The following ATXN8OS variants were observed in gnomAD, a reference collection of about 807,000 sequenced individuals.
The protein encoded by ATXN8OS is ATXN8 opposite strand (non-protein coding).
At chr13:70,164,055 C>CTTATTCTTA (rs373093033) in intron 4 of ATXN8OS, among the ~76,000 whole-genome samples, 87 of 29,094 alleles carry the variant, frequency 3.0e-3, no homozygotes, top group Middle Eastern at 0.045. Flanking sequence ...AGTTTTTATT[C>CTTATTCTTA]TTATTATTAT....
chr13:70,131,366 A>G (rs1593763947), intron 3 of ATXN8OS: 1 of 398,524 alleles, frequency 2.5e-6, no homozygotes, highest in East Asian at 3.6e-5. Flanking sequence ...TGTAAGCAGA[A>G]ATGCATTTTT....
intron 3 of ATXN8OS, among the ~76,000 whole-genome samples, chr13:70,138,670 C>T (rs1253396206): frequency 6.6e-6 from 1 of 151,808 alleles, no homozygotes; most frequent in Non-Finnish European, 1.5e-5. Flanking sequence ...GTATGCATTC[C>T]AAAATGAAAG....
chr13:70,149,623 A>G (rs972007887), intron 4 of ATXN8OS, among the ~76,000 whole-genome samples: 11 of 152,156 alleles, frequency 7.2e-5, no homozygotes, highest in African/African-American at 2.7e-4. Context: ...GAAGACATTT[A>G]CTTAAATATT....
Position 70,164,058 on chromosome 13 carries a change from A to ATTCTTATTC in ATXN8OS, n.574-5693_574-5692insCTTATTCTT, listed in dbSNP as rs869110142. 9.4e-3 allele frequency among the ~76,000 whole-genome samples: 118 copies of ATTCTTATTC among 12,490 alleles called. 1 individual carries two copies. The highest frequency in any genetic ancestry group is 0.016 in the African/African-American group (107 of 6,594). The allele number at this position is 12,490 out of a possible 152,430, so 8.2% of individuals were successfully genotyped here. A position where few individuals can be genotyped will look rare whatever the true frequency, so the allele number is the denominator to read the frequency against. On this transcript the variant is annotated intron_variant and non_coding_transcript_variant, in intron 4 of 4. Transcript: ENST00000678624. ...TTGTAAGCTGGAAGTTTTTATTCTT[A>ATTCTTATTC]TTATTATTATTATTATTATTATTAT... is the stretch of plus-strand genomic sequence containing the variant.
chr13:70,116,783 A>G (rs1888285720), intron 2 of ATXN8OS, among the ~76,000 whole-genome samples: 2 of 152,280 alleles, frequency 1.3e-5, no homozygotes, highest in East Asian at 1.9e-4. Context: ...AGAATAAAGA[A>G]TCTAAGAGAT....
At chr13:70,156,848 C>T (rs1042211504) in intron 4 of ATXN8OS, among the ~76,000 whole-genome samples, 1 of 152,090 alleles carries the variant, frequency 6.6e-6, no homozygotes, top group Non-Finnish European at 1.5e-5. Flanking sequence ...CTTTTACTTT[C>T]AGCTACCTCC....
Position 70,108,239 on chromosome 13 carries a change from G to C in ATXN8OS, n.240+220G>C, listed in dbSNP as rs115475614. The C allele has an allele frequency of 1.6e-3, 618 of 389,474 alleles. 8 individuals carry two copies. The highest frequency in any genetic ancestry group is 1.0e-2 in the African/African-American group (485 of 48,552). 24.1% of individuals were successfully genotyped at this position (389,474 alleles called of 1,614,324 possible). A position where few individuals can be genotyped will look rare whatever the true frequency, so the allele number is the denominator to read the frequency against. On this transcript the variant is annotated intron_variant and non_coding_transcript_variant, in intron 1 of 4. Transcript: ENST00000678624. The stretch of plus-strand genomic sequence containing the variant: ...TCTCGAGGAAGCGTACCCCTCGCCA[G>C]ATCTCTTGGTGCACCTGCGCCCCTG...
intron 2 of ATXN8OS, among the ~76,000 whole-genome samples, chr13:70,126,917 T>C (rs1466665169): frequency 6.6e-6 from 1 of 151,768 alleles, no homozygotes. Flanking sequence ...GTAACCTCTG[T>C]ATCTGTATAT....
chr13:70,141,250 C>G (rs1381500027), intron 3 of ATXN8OS, among the ~76,000 whole-genome samples: 8 of 152,122 alleles, frequency 5.3e-5, no homozygotes. Flanking sequence ...TATTTTACTG[C>G]TATCTCCTGG....
chr13:70,128,108 A>T (rs1888470901), intron 2 of ATXN8OS, among the ~76,000 whole-genome samples: 1 of 152,114 alleles, frequency 6.6e-6, no homozygotes, highest in Non-Finnish European at 1.5e-5. Flanking sequence ...GAAGGTTTAC[A>T]TTAATTGAAA....
intron 4 of ATXN8OS, among the ~76,000 whole-genome samples, chr13:70,158,396 C>G (rs886364894): frequency 6.6e-6 from 1 of 152,028 alleles, no homozygotes; most frequent in Non-Finnish European, 1.5e-5. Context: ...CCAGCCTGGG[C>G]GACAGGCAAG....
intron 4 of ATXN8OS, among the ~76,000 whole-genome samples, chr13:70,150,824 T>C (rs559753238): frequency 6.6e-6 from 1 of 152,250 alleles, no homozygotes; most frequent in South Asian, 2.1e-4. Context: ...CATGCTTCAC[T>C]ACCACAAAAC....
At chr13:70,137,132 T>C (rs1421160982) in intron 3 of ATXN8OS, among the ~76,000 whole-genome samples, 1 of 152,198 alleles carries the variant, frequency 6.6e-6, no homozygotes, top group Non-Finnish European at 1.5e-5. Flanking sequence ...TCTTACATAA[T>C]AGCCTATAAA....
In ATXN8OS at chr13:70,120,658, G is replaced by A. The variant is rs114120769; in HGVS notation, n.398+5360G>A. Among the ~76,000 whole-genome samples, 694 of 152,210 alleles carry A rather than the reference G, an allele frequency of 4.6e-3. 9 individuals carry two copies. The highest frequency in any genetic ancestry group is 0.015 in the African/African-American group (635 of 41,520). ...CAATGTTTTGGTAAGTAACCATTTG[G>A]TGAGGTGGAAAATGACAATGCACTG... is the stretch of plus-strand genomic sequence containing the variant. On this transcript the variant is annotated intron_variant and non_coding_transcript_variant, in intron 2 of 4. Coordinates refer to ENST00000678624, the Ensembl canonical transcript of ATXN8OS.
At chr13:70,162,387 G>A (rs1889020098) in intron 4 of ATXN8OS, among the ~76,000 whole-genome samples, 1 of 152,144 alleles carries the variant, frequency 6.6e-6, no homozygotes, top group Non-Finnish European at 1.5e-5. Context: ...GAGGGATACA[G>A]GCAGCCTGAA....
At chr13:70,123,702 GA>G (rs1888391675) in intron 2 of ATXN8OS, among the ~76,000 whole-genome samples, 2 of 152,016 alleles carry the variant, frequency 1.3e-5, no homozygotes, top group South Asian at 4.1e-4. Flanking sequence ...ATTAAGTAAT[GA>G]AAAATACATA....
intron 4 of ATXN8OS, among the ~76,000 whole-genome samples, chr13:70,160,578 C>A (rs375443443): frequency 8.0e-5 from 12 of 150,634 alleles, no homozygotes; most frequent in Admixed American, 2.0e-4. Flanking sequence ...TATGGAAATG[C>A]AGTTTTACAC....
chr13:70,125,089 A>C (rs1345940103), intron 2 of ATXN8OS, among the ~76,000 whole-genome samples: 1 of 152,068 alleles, frequency 6.6e-6, no homozygotes, highest in East Asian at 1.9e-4. Flanking sequence ...TAAATTATGG[A>C]GGTTTCATTC....
chr13:70,170,241 T>C (rs978743547), exon 5 of ATXN8OS, among the ~76,000 whole-genome samples: 1 of 152,096 alleles, frequency 6.6e-6, no homozygotes, highest in African/African-American at 2.4e-5. Context: ...GGATCTCAGA[T>C]GCCATTCTGA....
Sources: allele counts gnomAD v4.1 joint callset (sites outside exome capture counted in the v4.1 genomes callset), GRCh38; gene constraint gnomAD v4.1.1; transcripts MANE v1.5; gene names NCBI Gene and HGNC (gene_info 2026-07-23, HGNC 2026-07-21).